DPY19L4: variants seen among roughly 807,000 people sequenced by gnomAD.
DPY19L4 encodes probable C-mannosyltransferase DPY19L4.
In DPY19L4, 97 loss-of-function variants were observed where a neutral mutation model predicts 102.8. The ratio of observed to expected loss-of-function variants is 0.94; its 90% CI spans 0.80 to 1.12. The LOEUF (loss-of-function observed/expected upper bound fraction) is 1.12, where lower values mean the gene tolerates loss of function less well. DPY19L4 is among the 50% of genes most tolerant of loss of function. The pLI, the probability that DPY19L4 is intolerant of heterozygous loss-of-function variation, is 0.00. For missense variants in DPY19L4, 815 were observed against 850.4 expected, an observed-to-expected ratio of 0.96 and a Z score of 0.52; for synonymous variants, 252 against 283.1, an observed-to-expected ratio of 0.89 and a Z score of 1.10.
intron 8 of DPY19L4, among the ~76,000 whole-genome samples, chr8:94,762,218 C>A (rs1446963606): frequency 6.6e-6 from 1 of 152,236 alleles, no homozygotes; most frequent in East Asian, 1.9e-4. Flanking sequence ...GAGACCCAGG[C>A]GTCTGAGGAT....
intron 16 of DPY19L4, among the ~76,000 whole-genome samples, chr8:94,783,146 G>T (rs1004985459): frequency 6.6e-6 from 1 of 152,202 alleles, no homozygotes; most frequent in African/African-American, 2.4e-5. Context: ...TTTGCAAGTA[G>T]CATCTGTCTG....
Position 94,739,524 on chromosome 8 carries a change from C to G in DPY19L4, c.455C>G (p.Thr152Ser), listed in dbSNP as rs532866861. ...ATTGCTAGCATTTTATATCAAGCCACTGGTAGCAATGTATGTATTTTTCGT... is the reference window on the plus strand; with the variant it reads ...ATTGCTAGCATTTTATATCAAGCCAGTGGTAGCAATGTATGTATTTTTCGT... Reference protein sequence around the residue: ...ELIASILYQATGSNEIIEPVY... With the variant: ...ELIASILYQASGSNEIIEPVY... The change falls in exon 5 of 19, where the codon ACT becomes AGT. Residue 152 changes from threonine (T) to serine (S), a missense_variant. Transcript: ENST00000414645. The G allele has an allele frequency of 1.2e-6, 2 of 1,603,132 alleles. No homozygotes were observed. Among genetic ancestry groups the G allele is most frequent in the African/African-American group, 2.7e-5 (2 of 74,274 alleles).
chr8:94,745,197 G>A (rs894790255), intron 6 of DPY19L4: 3 of 152,620 alleles, frequency 2.0e-5, no homozygotes, highest in Non-Finnish European at 2.9e-5. Context: ...AGGTATACTA[G>A]AAAATTCAAA....
chr8:94,764,593 G>A (rs1385139881), intron 8 of DPY19L4, among the ~76,000 whole-genome samples: 29 of 116,696 alleles, frequency 2.5e-4, no homozygotes, highest in Middle Eastern at 5.1e-3. Flanking sequence ...AAAAAAAAAA[G>A]AAAACAGTGA....
At chr8:94,764,575 CAAAA>C (rs554856939) in intron 8 of DPY19L4, among the ~76,000 whole-genome samples, 4 of 53,148 alleles carry the variant, frequency 7.5e-5, no homozygotes, top group Admixed American at 2.3e-4. Context: ...GACTCCGTCT[CAAAA>C]AAAAAAAAAA....
chr8:94,753,451 T>C (rs932172410), intron 6 of DPY19L4, among the ~76,000 whole-genome samples: 3 of 152,234 alleles, frequency 2.0e-5, no homozygotes, highest in African/African-American at 7.2e-5. Context: ...TAAGTGTAAT[T>C]ATTTTTTACC....
At chr8:94,781,207 T>C (rs1181520690) in intron 16 of DPY19L4, 41 bp downstream of exon 16, 3 of 1,429,544 alleles carry the variant, frequency 2.1e-6, no homozygotes, top group Non-Finnish European at 2.8e-6. Context: ...AAGCTATTAA[T>C]TAATCACTGC....
intron 6 of DPY19L4, among the ~76,000 whole-genome samples, chr8:94,752,088 T>A (rs13262255): frequency 0.44 from 66,685 of 151,844 alleles, 16,258 homozygotes; most frequent in African/African-American, 0.67. Flanking sequence ...GTCATATGGC[T>A]GGTGTATATT....
chr8:94,731,863 G>A (rs1270803148), intron 2 of DPY19L4, among the ~76,000 whole-genome samples: 2 of 152,090 alleles, frequency 1.3e-5, no homozygotes, highest in African/African-American at 4.8e-5. Context: ...TGCCTCCCGG[G>A]TTCACGCCAT....
At chr8:94,779,033 T>A (rs1027059479) in intron 14 of DPY19L4, among the ~76,000 whole-genome samples, 3 of 152,236 alleles carry the variant, frequency 2.0e-5, no homozygotes, top group East Asian at 3.9e-4. Flanking sequence ...CAGACTTACA[T>A]TTTCTATTTG....
intron 7 of DPY19L4, among the ~76,000 whole-genome samples, chr8:94,758,354 T>G (rs1812255611): frequency 6.6e-6 from 1 of 152,192 alleles, no homozygotes; most frequent in Non-Finnish European, 1.5e-5. Context: ...GGCACTGACT[T>G]TCTTCAGATT....
At chr8:94,721,075 T>G (rs530883950) in intron 1 of DPY19L4, among the ~76,000 whole-genome samples, 3 of 152,306 alleles carry the variant, frequency 2.0e-5, no homozygotes, top group Admixed American at 6.5e-5. Flanking sequence ...GCCTCCCTAG[T>G]AGCTGGGATT....
intron 2 of DPY19L4, among the ~76,000 whole-genome samples, chr8:94,728,651 A>C (rs1810798280): frequency 3.9e-5 from 6 of 152,256 alleles, no homozygotes; most frequent in Admixed American, 3.9e-4. Flanking sequence ...ATATTATATC[A>C]TGACAAAACA....
rs1349817934 is a variant in DPY19L4, at chr8:94,783,773, G to C, written c.1819G>C (p.Asp607His). The C allele has an allele frequency of 1.9e-6, 3 of 1,613,934 alleles. No individual in the cohort carries two copies. Among genetic ancestry groups the C allele is most frequent in the Non-Finnish European group, 2.5e-6 (3 of 1,179,990 alleles). Residue 607 changes from aspartate (D) to histidine (H), a missense_variant, in exon 17 of 19, where the codon GAT (aspartate) becomes CAT (histidine). By Grantham distance (81) the Asp-to-His change is moderately conservative. Coordinates refer to ENST00000414645, the MANE Select transcript of DPY19L4 (RefSeq NM_181787.3). ...GGTGACAAGTTTGCCTCTTTACAAT[G>C]ATGATGATCTTCTCAAGAGAAATGA... is the stretch of plus-strand genomic sequence containing the variant. ...WMVTSLPLYN[D>H]DDLLKRNENI...
intron 10 of DPY19L4, 63 bp downstream of exon 10, chr8:94,765,872 A>C (rs1461813441): frequency 9.4e-7 from 1 of 1,066,726 alleles, no homozygotes; most frequent in Non-Finnish European, 1.4e-6. Flanking sequence ...ATTGGACTAC[A>C]TTTTAATGAG....
intron 12 of DPY19L4, among the ~76,000 whole-genome samples, chr8:94,769,010 T>TAAAA (rs527976884): frequency 4.8e-5 from 6 of 124,938 alleles, no homozygotes; most frequent in African/African-American, 1.7e-4. Context: ...ACTCCCTCTC[T>TAAAA]AAAAAAAAAA....
chr8:94,784,409 T>C (rs1813569473), intron 17 of DPY19L4, among the ~76,000 whole-genome samples: 1 of 151,972 alleles, frequency 6.6e-6, no homozygotes, highest in Non-Finnish European at 1.5e-5. Flanking sequence ...CTCAATCAAA[T>C]TTTTATTTTA....
intron 1 of DPY19L4, among the ~76,000 whole-genome samples, chr8:94,722,284 A>G (rs111262706): frequency 9.9e-4 from 148 of 150,074 alleles, no homozygotes; most frequent in African/African-American, 3.4e-3. Flanking sequence ...GCGCATGCCT[A>G]TAGTCCCAGC....
At position 94,766,614 on chromosome 8, in the gene DPY19L4, G is replaced by T; in HGVS notation, c.1104G>T (p.Met368Ile). 1 of 1,613,372 alleles carries T rather than the reference G, an allele frequency of 6.2e-7. No homozygotes were observed. Among genetic ancestry groups the T allele is most frequent in the Non-Finnish European group, 8.5e-7 (1 of 1,179,722 alleles). ...TAACTGGTGTTTTTCTCTTCTAGAT[G>T]TTTGTCCCACACAAAGAAAATGGGC... ...LTITLNIIMK[M>I]FVPHKENGHM... Residue 368 changes from methionine (M) to isoleucine (I), a missense_variant and splice_region_variant, in exon 11 of 19, where the codon ATG (methionine) becomes ATT (isoleucine). By Grantham distance (10) the Met-to-Ile change is conservative (BLOSUM62 1). Transcript: ENST00000414645.
Sources: gnomAD v4.1 joint callset for allele counts (sites outside exome capture counted in the v4.1 genomes callset) on GRCh38, gnomAD v4.1.1 for gene constraint, MANE v1.5 for transcripts, NCBI Gene and HGNC (gene_info 2026-07-23, HGNC 2026-07-21) for gene names.